The following ANXA8 variants were observed in gnomAD, a reference collection of about 807,000 sequenced individuals.
The protein encoded by ANXA8 is VAC-beta.
A neutral mutation model predicts 26.8 loss-of-function variants in ANXA8; 9 were observed. That is an observed-to-expected ratio of 0.34 (90% CI 0.20 to 0.59). The LOEUF (loss-of-function observed/expected upper bound fraction) is 0.59, where lower values mean the gene tolerates loss of function less well. Ranked by LOEUF, ANXA8 falls within the 20% of genes least tolerant of loss-of-function variation. The pLI is 0.84. For missense variants in ANXA8, 83 were observed against 238.5 expected (o/e 0.35, Z 4.29); for synonymous variants, 39 against 94.8 (o/e 0.41, Z 3.42).
chr10:47,699,075 G>A, the ANXA8 span, among the ~76,000 whole-genome samples: 24 of 151,582 alleles, frequency 1.6e-4, 1 homozygote, highest in South Asian at 2.5e-3. Context: ...GGTCTGGTGC[G>A]GTGGCTCACG....
chr10:47,873,637 C>CCCCAGCA, the ANXA8 span, among the ~76,000 whole-genome samples: 5 of 9,754 alleles, frequency 5.1e-4, no homozygotes, highest in South Asian at 0.014. Flanking sequence ...TCCAGCCCAT[C>CCCCAGCA]CCCAGCACCC....
the ANXA8 span, among the ~76,000 whole-genome samples, chr10:47,666,970 T>C: frequency 6.6e-6 from 1 of 152,062 alleles, no homozygotes; most frequent in Non-Finnish European, 1.5e-5. Context: ...ACCTAAACAT[T>C]CTATCAGTTG....
chr10:47,562,285 CT>C, the ANXA8 span, among the ~76,000 whole-genome samples: 1 of 147,224 alleles, frequency 6.8e-6, no homozygotes, highest in African/African-American at 2.5e-5. Context: ...CTGCCAGTCC[CT>C]GAGATATTGT....
the ANXA8 span, among the ~76,000 whole-genome samples, chr10:47,685,624 G>A: frequency 8.6e-5 from 13 of 151,896 alleles, no homozygotes; most frequent in African/African-American, 3.1e-4. Context: ...GATATGTAAA[G>A]CACAGTTGTA....
chr10:47,572,199 T>G, the ANXA8 span, among the ~76,000 whole-genome samples: 2 of 143,358 alleles, frequency 1.4e-5, no homozygotes, highest in Admixed American at 1.4e-4. Context: ...CTTCTGTTTT[T>G]GGAAAAGCTT....
At chr10:47,985,764 T>C in the ANXA8 span, 1 of 150,970 alleles carries the variant, frequency 6.6e-6, no homozygotes, top group South Asian at 2.1e-4. Flanking sequence ...AAAAACGCAA[T>C]TACTTTCGCA....
the ANXA8 span, among the ~76,000 whole-genome samples, chr10:47,620,821 T>C: frequency 2.8e-5 from 3 of 108,514 alleles, no homozygotes; most frequent in Non-Finnish European, 6.0e-5. Context: ...TGTTATCCAC[T>C]CATGTCTTCT....
the ANXA8 span, among the ~76,000 whole-genome samples, chr10:47,651,283 CAAAA>C: frequency 0.054 from 7,431 of 136,508 alleles, 446 homozygotes; most frequent in African/African-American, 0.19. Context: ...AAAAAAATCT[CAAAA>C]AAAAAAAAAA....
the ANXA8 span, among the ~76,000 whole-genome samples, chr10:47,956,860 C>T: frequency 5.9e-3 from 881 of 149,912 alleles, 14 homozygotes; most frequent in Non-Finnish European, 8.6e-3. Flanking sequence ...GGCTCTGCTT[C>T]GAGTATAGCC....
At chr10:47,768,386 A>G in the ANXA8 span, among the ~76,000 whole-genome samples, 1 of 151,438 alleles carries the variant, frequency 6.6e-6, no homozygotes, top group Non-Finnish European at 1.5e-5. Flanking sequence ...TGCTAAATTG[A>G]TGTGTCGGTT....
At chr10:47,695,581 A>G in the ANXA8 span, among the ~76,000 whole-genome samples, 1 of 151,670 alleles carries the variant, frequency 6.6e-6, no homozygotes, top group African/African-American at 2.4e-5. Context: ...TAAAAGGTTC[A>G]AAAGCTGAGG....
chr10:47,957,508 C>T, the ANXA8 span, among the ~76,000 whole-genome samples: 12 of 150,626 alleles, frequency 8.0e-5, no homozygotes, highest in South Asian at 8.3e-4. Context: ...TTTCCTTTCC[C>T]GAGAGCGCTC....
At chr10:47,559,177 A>C in the ANXA8 span, among the ~76,000 whole-genome samples, 1 of 63,756 alleles carries the variant, frequency 1.6e-5, no homozygotes, top group African/African-American at 6.1e-5. Flanking sequence ...TTTGAGGCGG[A>C]GTCTCAAACC....
At chr10:47,526,399 C>T in the ANXA8 span, among the ~76,000 whole-genome samples, 1 of 137,022 alleles carries the variant, frequency 7.3e-6, no homozygotes, top group Non-Finnish European at 1.5e-5. Context: ...GCCACCACTC[C>T]CAAACAGAAC....
At chr10:47,495,944 C>T in the ANXA8 span, among the ~76,000 whole-genome samples, 78 of 151,644 alleles carry the variant, frequency 5.1e-4, 4 homozygotes, top group African/African-American at 1.8e-3. Flanking sequence ...AGGTGGTGCC[C>T]GGGGAAGTCC....
chr10:47,652,901 C>T, the ANXA8 span, among the ~76,000 whole-genome samples: 264 of 151,016 alleles, frequency 1.7e-3, no homozygotes, highest in Non-Finnish European at 3.1e-3. Flanking sequence ...TATATTTACA[C>T]TTGATCTTAG....
At chr10:47,483,552 G>T (rs1353170124) in intron 1 of ANXA8, among the ~76,000 whole-genome samples, 4 of 138,100 alleles carry the variant, frequency 2.9e-5, no homozygotes, top group Admixed American at 2.9e-4. Flanking sequence ...AAATGCACAC[G>T]TGTGTGCACC....
chr10:47,727,253 T>C, the ANXA8 span, among the ~76,000 whole-genome samples: 2 of 152,296 alleles, frequency 1.3e-5, no homozygotes, highest in Admixed American at 1.3e-4. Context: ...AATGAGTGTA[T>C]GACATAATAT....
the ANXA8 span, among the ~76,000 whole-genome samples, chr10:47,499,875 G>A: frequency 2.1e-5 from 3 of 143,842 alleles, no homozygotes; most frequent in Admixed American, 7.1e-5. Context: ...TGATCTTCCT[G>A]CCTCAGCCTG....
Sources: allele counts gnomAD v4.1 joint callset (sites outside exome capture counted in the v4.1 genomes callset), GRCh38; gene constraint gnomAD v4.1.1; transcripts MANE v1.5; gene names NCBI Gene and HGNC (gene_info 2026-07-23, HGNC 2026-07-21).